The following COBLL1 variants were observed in gnomAD, a reference collection of about 807,000 sequenced individuals.
COBLL1 encodes cordon-bleu protein-like 1.
A neutral mutation model predicts 94.8 loss-of-function variants in COBLL1; 50 were observed. That is an observed-to-expected ratio of 0.53 (90% confidence interval 0.42 to 0.67). The LOEUF (loss-of-function observed/expected upper bound fraction) is 0.67, where lower values mean the gene tolerates loss of function less well. COBLL1 is among the 30% of genes least tolerant of loss of function. COBLL1 has a pLI of 0.00. For synonymous variants in COBLL1, 448 were observed against 473.8 expected, an observed-to-expected ratio of 0.95 and a Z score of 0.71; for missense variants, 1,362 against 1,348.7, an observed-to-expected ratio of 1.01 and a Z score of -0.15.
chr2:164,758,932 TAA>T (rs1444185123), intron 2 of COBLL1, among the ~76,000 whole-genome samples: 1 of 151,974 alleles, frequency 6.6e-6, no homozygotes, highest in African/African-American at 2.4e-5. Flanking sequence ...CAAAGGAAGT[TAA>T]AAAGTTTTAG....
At chr2:164,742,137 A>G (rs1242539724) in intron 3 of COBLL1, among the ~76,000 whole-genome samples, 6 of 152,112 alleles carry the variant, frequency 3.9e-5, no homozygotes, top group Non-Finnish European at 7.4e-5. Flanking sequence ...GACGGGTGAC[A>G]GGACGGAGAG....
chr2:164,676,374 C>T (rs1294946999), downstream of COBLL1, among the ~76,000 whole-genome samples: 1 of 152,102 alleles, frequency 6.6e-6, no homozygotes, highest in African/African-American at 2.4e-5. Flanking sequence ...AAAACCTGAC[C>T]TTTATTTGCA....
intron 2 of COBLL1, among the ~76,000 whole-genome samples, chr2:164,753,988 C>T (rs430419): frequency 0.68 from 103,327 of 151,860 alleles, 36,958 homozygotes; most frequent in African/African-American, 0.92. Flanking sequence ...TTGCCTCGGC[C>T]TCCTAAAGTG....
intron 2 of COBLL1, among the ~76,000 whole-genome samples, chr2:164,764,085 A>C (rs1042442938): frequency 6.6e-6 from 1 of 152,126 alleles, no homozygotes; most frequent in South Asian, 2.1e-4. Flanking sequence ...TTTAGTAGAG[A>C]CAGGGTCTCA....
intron 11 of COBLL1, chr2:164,697,924 GAC>G (rs1684039286): frequency 6.6e-6 from 1 of 152,006 alleles, no homozygotes; most frequent in Admixed American, 6.6e-5. Flanking sequence ...ACTCAAAAGT[GAC>G]ACTGACATTG....
intron 11 of COBLL1, chr2:164,696,796 A>G (rs1428173570): frequency 1.3e-5 from 2 of 152,218 alleles, no homozygotes; most frequent in African/African-American, 4.8e-5. Context: ...GAATTAAGTC[A>G]TTCCTCTGCT....
chr2:164,723,604 A>T (rs1325237878), intron 5 of COBLL1: 1 of 152,188 alleles, frequency 6.6e-6, no homozygotes, highest in Non-Finnish European at 1.5e-5. Flanking sequence ...TTTGGACATC[A>T]TAAAAGTAAC....
intron 2 of COBLL1, among the ~76,000 whole-genome samples, chr2:164,772,488 T>G (rs1553476601): frequency 6.6e-6 from 1 of 152,050 alleles, no homozygotes; most frequent in Non-Finnish European, 1.5e-5. Flanking sequence ...ATTAAGAATC[T>G]CTCCTAAGTA....
chr2:164,670,994 T>C (rs143393725), intron 1 of COBLL1, among the ~76,000 whole-genome samples: 37 of 152,324 alleles, frequency 2.4e-4, no homozygotes, highest in Non-Finnish European at 3.8e-4. Flanking sequence ...ATAGGCGTTA[T>C]TAGTCTCACT....
At chr2:164,801,320 T>A (rs1683776976) in intron 2 of COBLL1, among the ~76,000 whole-genome samples, 1 of 150,222 alleles carries the variant, frequency 6.7e-6, no homozygotes, top group Admixed American at 6.6e-5. Context: ...GCGCCTGTAG[T>A]CCCAGCTACT....
At chr2:164,688,774 C>T (rs1683437977) in intron 13 of COBLL1, among the ~76,000 whole-genome samples, 1 of 152,106 alleles carries the variant, frequency 6.6e-6, no homozygotes, top group South Asian at 2.1e-4. Context: ...TTCTGTGTGA[C>T]TTACCCAGTT....
At chr2:164,748,230 C>T (rs899890263) in intron 2 of COBLL1, among the ~76,000 whole-genome samples, 1 of 152,090 alleles carries the variant, frequency 6.6e-6, no homozygotes, top group Non-Finnish European at 1.5e-5. Context: ...GAAAAGAATA[C>T]CAGATGGAAG....
intron 1 of COBLL1, among the ~76,000 whole-genome samples, chr2:164,674,186 G>A (rs1001885788): frequency 2.6e-5 from 4 of 151,942 alleles, no homozygotes; most frequent in African/African-American, 4.8e-5. Flanking sequence ...TCAGCCTCCC[G>A]AGTAGCTGGA....
At chr2:164,691,410 C>T (rs988455415) in intron 13 of COBLL1, among the ~76,000 whole-genome samples, 1 of 152,072 alleles carries the variant, frequency 6.6e-6, no homozygotes, top group Non-Finnish European at 1.5e-5. Context: ...AATGAAATGC[C>T]TCGGGAGTTA....
chr2:164,805,329 CTCTCTCTCTATATATATATATATA>C (rs1684058430), intron 2 of COBLL1, among the ~76,000 whole-genome samples: 1 of 22,668 alleles, frequency 4.4e-5, no homozygotes, highest in African/African-American at 1.7e-4. Flanking sequence ...CTCTCTCTCT[CTCTCTCTCTATATATATATATATA>C]TATATATATA....
chr2:164,813,127 C>A (rs193155806), intron 2 of COBLL1, among the ~76,000 whole-genome samples: 44 of 152,170 alleles, frequency 2.9e-4, no homozygotes, highest in South Asian at 2.1e-4. Flanking sequence ...ACAGGCCTAT[C>A]ATCAAATGGA....
At chr2:164,754,621 G>A (rs1687299270) in intron 2 of COBLL1, among the ~76,000 whole-genome samples, 1 of 152,192 alleles carries the variant, frequency 6.6e-6, no homozygotes, top group African/African-American at 2.4e-5. Flanking sequence ...CATACACGCT[G>A]TACCTGAGTT....
rs774586373 is a variant in COBLL1, at chr2:164,730,083, C to G, written c.263G>C (p.Cys88Ser). The change falls in exon 4 of 14, where the codon TGT becomes TCT. Residue 88 changes from cysteine to serine, a missense_variant. Transcript: ENST00000652658. ...TGATGGATTTAAGTGATACTGTGCA[C>G]AAAGGAATATCAACAAGTCCATCAT... Reference protein sequence around the residue: ...KPMMDLLIFLCAQYHLNPSSY... With the variant: ...KPMMDLLIFLSAQYHLNPSSY... 4 of 1,613,724 alleles carry G rather than the reference C, an allele frequency of 2.5e-6. No individual in the cohort carries two copies. Among genetic ancestry groups the G allele is most frequent in the Non-Finnish European group, 3.4e-6 (4 of 1,179,850 alleles).
intron 2 of COBLL1, chr2:164,837,548 A>G: frequency 2.3e-6 from 1 of 435,280 alleles, no homozygotes; most frequent in Non-Finnish European, 4.6e-6. Context: ...TCATAGAAAC[A>G]AATATAAAAA....
Sources: gnomAD v4.1 joint callset for allele counts (sites outside exome capture counted in the v4.1 genomes callset) on GRCh38, gnomAD v4.1.1 for gene constraint, MANE v1.5 for transcripts, NCBI Gene and HGNC (gene_info 2026-07-23, HGNC 2026-07-21) for gene names.